The following PRIM2 variants were observed in gnomAD, a reference collection of about 807,000 sequenced individuals.
PRIM2 encodes the protein DNA primase subunit 2, also known as DNA primase large subunit.
In PRIM2, 39 loss-of-function variants were observed where a neutral mutation model predicts 67.3. That is an observed-to-expected ratio of 0.58 (90% CI 0.45 to 0.76). PRIM2 has a LOEUF of 0.76. Among genes scored for constraint, PRIM2 ranks in the 30% least tolerant of loss-of-function variants. The pLI is 0.00. For missense variants in PRIM2, 398 were observed against 598.7 expected, an observed-to-expected ratio of 0.66 and a Z score of 3.50; for synonymous variants, 143 against 198.7, an observed-to-expected ratio of 0.72 and a Z score of 2.36.
chr6:57,543,644 A>G (rs1775224738), intron 10 of PRIM2, among the ~76,000 whole-genome samples: 1 of 152,204 alleles, frequency 6.6e-6, no homozygotes. Flanking sequence ...CTGGAACAAA[A>G]TATTTCTTTA....
chr6:57,472,060 G>A (rs1241517685), intron 7 of PRIM2, among the ~76,000 whole-genome samples: 6 of 152,114 alleles, frequency 3.9e-5, no homozygotes, highest in South Asian at 2.1e-4. Flanking sequence ...TTAACTTGGA[G>A]TTATTCAGAA....
In PRIM2 at chr6:57,407,625, G is replaced by A. The variant is rs545862640; in HGVS notation, c.693+25457G>A. ...CGTATCATTTGCATATTGCGGGTTA[G>A]GCCTGAGGCGGTACACAGTGGCACA... On this transcript the variant is annotated intron_variant, in intron 7 of 13. Coordinates refer to ENST00000615550, the MANE Select transcript of PRIM2 (RefSeq NM_000947.5). Among the ~76,000 whole-genome samples, 221 of 152,298 alleles carry A rather than the reference G, an allele frequency of 1.5e-3. 4 individuals are homozygous for A. Among genetic ancestry groups the A allele is most frequent in the Admixed American group, 0.014 (213 of 15,300 alleles).
At chr6:57,597,048 A>G (rs1461421077) in intron 10 of PRIM2, among the ~76,000 whole-genome samples, 1 of 151,362 alleles carries the variant, frequency 6.6e-6, no homozygotes, top group Admixed American at 6.6e-5. Context: ...AGCACCTCCT[A>G]TGAGTAGATG....
intron 12 of PRIM2, among the ~76,000 whole-genome samples, chr6:57,628,045 C>G (rs1294725433): frequency 6.6e-6 from 1 of 152,152 alleles, no homozygotes; most frequent in African/African-American, 2.4e-5. Flanking sequence ...TGCTCTGGTT[C>G]TTTCAGAATG....
intron 10 of PRIM2, among the ~76,000 whole-genome samples, chr6:57,545,350 C>G (rs1775268569): frequency 6.6e-6 from 1 of 151,996 alleles, no homozygotes; most frequent in Non-Finnish European, 1.5e-5. Flanking sequence ...GTGTGTTTAT[C>G]ATGAACATAT....
intron 5 of PRIM2, among the ~76,000 whole-genome samples, chr6:57,367,310 T>G (rs1769392407): frequency 6.6e-6 from 1 of 152,184 alleles, no homozygotes; most frequent in African/African-American, 2.4e-5. Flanking sequence ...TTGTTAAAGA[T>G]TTTCCAATTA....
chr6:57,230,221 T>G, the PRIM2 span, among the ~76,000 whole-genome samples: 1 of 152,208 alleles, frequency 6.6e-6, no homozygotes, highest in African/African-American at 2.4e-5. Context: ...CCTGTTCTCC[T>G]TGACAAAATT....
chr6:57,495,947 A>G (rs1250644344), intron 7 of PRIM2, among the ~76,000 whole-genome samples: 1 of 151,958 alleles, frequency 6.6e-6, no homozygotes, highest in Non-Finnish European at 1.5e-5. Flanking sequence ...AAGTCTTGCT[A>G]TATTCCCAGG....
At chr6:57,642,464 A>T in intron 13 of PRIM2, among the ~76,000 whole-genome samples, 1 of 54,684 alleles carries the variant, frequency 1.8e-5, no homozygotes, top group African/African-American at 7.3e-5. Flanking sequence ...TTTTTTTGAG[A>T]CGGAGTTTCG....
At chr6:57,422,792 T>C (rs1180440673) in intron 7 of PRIM2, among the ~76,000 whole-genome samples, 3 of 152,182 alleles carry the variant, frequency 2.0e-5, no homozygotes, top group Non-Finnish European at 2.9e-5. Context: ...AGCAGAACTC[T>C]GCTTACATTA....
chr6:57,636,197 C>A (rs1271114029), intron 13 of PRIM2, among the ~76,000 whole-genome samples: 2 of 151,868 alleles, frequency 1.3e-5, no homozygotes, highest in African/African-American at 4.8e-5. Context: ...AGAAAACAGG[C>A]AAGGAAAGAA....
At chr6:57,287,943 C>T in the PRIM2 span, among the ~76,000 whole-genome samples, 7 of 152,100 alleles carry the variant, frequency 4.6e-5, no homozygotes, top group African/African-American at 2.4e-5. Context: ...GTGCAGCCCA[C>T]GGAGGGTGAG....
intron 10 of PRIM2, among the ~76,000 whole-genome samples, chr6:57,555,086 A>G (rs1775484610): frequency 6.6e-6 from 1 of 152,190 alleles, no homozygotes; most frequent in Non-Finnish European, 1.5e-5. Context: ...GTTGATAGAG[A>G]CAAATGGACT....
intron 10 of PRIM2, among the ~76,000 whole-genome samples, chr6:57,585,105 T>G (rs1776165240): frequency 6.6e-6 from 1 of 152,188 alleles, no homozygotes; most frequent in Admixed American, 6.6e-5. Flanking sequence ...GCTTAACTGA[T>G]TTTTTTAAGC....
upstream of PRIM2, among the ~76,000 whole-genome samples, chr6:57,316,156 T>C (rs556082323): frequency 4.6e-5 from 7 of 152,302 alleles, no homozygotes; most frequent in South Asian, 4.2e-4. Flanking sequence ...TTTCCGTATC[T>C]AGAAAATACG....
the PRIM2 span, among the ~76,000 whole-genome samples, chr6:57,268,372 C>T: frequency 6.6e-6 from 1 of 151,892 alleles, no homozygotes; most frequent in Non-Finnish European, 1.5e-5. Context: ...ACTTGAGCCT[C>T]AAGATGTAAA....
At chr6:57,237,106 T>G in the PRIM2 span, among the ~76,000 whole-genome samples, 2 of 151,680 alleles carry the variant, frequency 1.3e-5, 1 homozygote, top group South Asian at 4.2e-4. Context: ...TGATCGCCAT[T>G]CTAACTGGTG....
At chr6:57,411,111 AGT>A (rs1343613742) in intron 7 of PRIM2, among the ~76,000 whole-genome samples, 44 of 151,952 alleles carry the variant, frequency 2.9e-4, no homozygotes, top group African/African-American at 1.0e-3. Context: ...GTCATTTAAA[AGT>A]GTGTGGCACC....
At chr6:57,532,822 G>T (rs1332862566) in intron 9 of PRIM2, among the ~76,000 whole-genome samples, 1 of 152,094 alleles carries the variant, frequency 6.6e-6, no homozygotes, top group Non-Finnish European at 1.5e-5. Context: ...GTTTGTTAGG[G>T]TTGTCATGAC....
Sources: allele counts gnomAD v4.1 joint callset (sites outside exome capture counted in the v4.1 genomes callset), GRCh38; gene constraint gnomAD v4.1.1; transcripts MANE v1.5; gene names NCBI Gene and HGNC (gene_info 2026-07-23, HGNC 2026-07-21).